RBPMS: variants seen among roughly 807,000 people sequenced by gnomAD.
The protein encoded by RBPMS is RNA-binding protein with multiple splicing.
RBPMS carries 7 observed loss-of-function variants against 26.8 expected under a neutral mutation model. The ratio of observed to expected loss-of-function variants is 0.26; its 90% CI spans 0.15 to 0.49. The LOEUF (loss-of-function observed/expected upper bound fraction) is 0.49. Among genes scored for constraint, RBPMS ranks in the 20% least tolerant of loss-of-function variants. RBPMS has a pLI of 0.98. For missense variants in RBPMS, 186 were observed against 250.0 expected (o/e 0.74, Z 1.73); for synonymous variants, 96 against 93.3 (o/e 1.03, Z -0.17).
chr8:30,507,574 C>T (rs1209237511), intron 5 of RBPMS, among the ~76,000 whole-genome samples: 1 of 152,086 alleles, frequency 6.6e-6, no homozygotes, highest in African/African-American at 2.4e-5. Flanking sequence ...AGTAGTATAC[C>T]TACCTGCCTA....
chr8:30,556,176 C>G, intron 6 of RBPMS: 4 of 985,406 alleles, frequency 4.1e-6, no homozygotes, highest in Non-Finnish European at 4.8e-6. Flanking sequence ...GTCTGTGTGT[C>G]CGCCACCCGC....
intron 1 of RBPMS, among the ~76,000 whole-genome samples, chr8:30,439,252 T>C (rs1812807498): frequency 6.6e-6 from 1 of 152,248 alleles, no homozygotes; most frequent in Non-Finnish European, 1.5e-5. Context: ...TCCGTACATT[T>C]CATAGTATCA....
intron 4 of RBPMS, among the ~76,000 whole-genome samples, chr8:30,483,929 T>C (rs114252625): frequency 0.011 from 1,644 of 152,336 alleles, 35 homozygotes; most frequent in African/African-American, 0.036. Flanking sequence ...AGAATCAAAT[T>C]CCTTTTTATA....
chr8:30,421,731 T>G (rs1192064646), intron 1 of RBPMS, among the ~76,000 whole-genome samples: 1 of 151,874 alleles, frequency 6.6e-6, no homozygotes. Context: ...CTGAGGCAGG[T>G]GGATCACAAG....
chr8:30,523,424 T>TA (rs1436093630), intron 5 of RBPMS, among the ~76,000 whole-genome samples: 2 of 151,870 alleles, frequency 1.3e-5, no homozygotes, highest in Admixed American at 1.3e-4. Flanking sequence ...TGTTTTGTTT[T>TA]ACCTCACTGA....
intron 4 of RBPMS, among the ~76,000 whole-genome samples, chr8:30,499,838 T>A (rs1820362959): frequency 6.6e-6 from 1 of 151,542 alleles, no homozygotes; most frequent in East Asian, 1.9e-4. Context: ...AATAGCATGC[T>A]TGCTACTTAC....
intron 1 of RBPMS, among the ~76,000 whole-genome samples, chr8:30,442,124 G>T (rs1354827101): frequency 1.3e-5 from 2 of 151,998 alleles, no homozygotes; most frequent in Non-Finnish European, 2.9e-5. Context: ...GTATAGTCTT[G>T]CTATGTTGTC....
At chr8:30,491,772 A>G (rs945054533) in intron 4 of RBPMS, among the ~76,000 whole-genome samples, 24 of 152,208 alleles carry the variant, frequency 1.6e-4, no homozygotes, top group Non-Finnish European at 2.9e-4. Context: ...ATAGGTCCTC[A>G]AATGACCTAA....
intron 1 of RBPMS, among the ~76,000 whole-genome samples, chr8:30,439,639 G>C (rs944542170): frequency 6.6e-6 from 1 of 151,600 alleles, no homozygotes; most frequent in Admixed American, 6.6e-5. Flanking sequence ...CCCGTTTTTT[G>C]ACTTTTTTTT....
chr8:30,544,468 ACT>A, intron 5 of RBPMS, 24 bp from the exon 6 acceptor site: 1 of 1,609,758 alleles, frequency 6.2e-7, no homozygotes, highest in Non-Finnish European at 8.5e-7. Flanking sequence ...GTAACCACTA[ACT>A]CTCGCCTTAT....
intron 5 of RBPMS, among the ~76,000 whole-genome samples, chr8:30,528,376 G>A (rs1249049805): frequency 1.3e-5 from 2 of 152,064 alleles, no homozygotes; most frequent in Non-Finnish European, 2.9e-5. Context: ...AGAAAGAGGG[G>A]TGGGTGGACA....
At position 30,477,004 on chromosome 8, in the gene RBPMS, A is replaced by G. The variant is rs145710047; in HGVS notation, c.145-795A>G. Among the ~76,000 whole-genome samples, 70 of 152,292 alleles carry G rather than the reference A, an allele frequency of 4.6e-4. 1 individual carries two copies. The East Asian group carries it at 0.013, about 28-fold the overall frequency. On this transcript the variant is annotated intron_variant, in intron 2 of 8. Coordinates refer to ENST00000397323, the MANE Select transcript of RBPMS (RefSeq NM_001008710.3). ...AAGTAACTCAACAAAATTCAACATC[A>G]TTGCCTGCTTAACCATTTCTGGCAG...
chr8:30,438,779 T>A (rs1008975510), intron 1 of RBPMS, among the ~76,000 whole-genome samples: 7 of 150,216 alleles, frequency 4.7e-5, no homozygotes, highest in East Asian at 3.9e-4. Context: ...ACTTTTTTTT[T>A]ATTTATTTTT....
chr8:30,462,119 T>G (rs1815983632), intron 1 of RBPMS, among the ~76,000 whole-genome samples: 1 of 152,246 alleles, frequency 6.6e-6, no homozygotes, highest in Admixed American at 6.5e-5. Context: ...AGTTTTTATT[T>G]CTTTGGAATA....
At chr8:30,543,076 A>G (rs1462829354) in intron 5 of RBPMS, among the ~76,000 whole-genome samples, 1 of 152,060 alleles carries the variant, frequency 6.6e-6, no homozygotes, top group Non-Finnish European at 1.5e-5. Context: ...TTGAGAGGAG[A>G]AGGGAGTCAG....
At chr8:30,472,025 A>G (rs1001593655) in intron 1 of RBPMS, among the ~76,000 whole-genome samples, 4 of 152,192 alleles carry the variant, frequency 2.6e-5, no homozygotes, top group African/African-American at 7.2e-5. Context: ...AAAAAAGCAT[A>G]TACCTTTCAT....
chr8:30,514,113 A>T (rs1030678195), intron 5 of RBPMS, among the ~76,000 whole-genome samples: 8 of 152,338 alleles, frequency 5.3e-5, no homozygotes, highest in Admixed American at 5.2e-4. Flanking sequence ...CATTAGTAAA[A>T]AGTGTGCAGC....
chr8:30,478,331 CT>C (rs551582647), intron 3 of RBPMS, among the ~76,000 whole-genome samples: 10 of 148,400 alleles, frequency 6.7e-5, no homozygotes, highest in Admixed American at 2.0e-4. Context: ...TAGCTATATA[CT>C]TTTTTTTTTA....
intron 2 of RBPMS, among the ~76,000 whole-genome samples, chr8:30,475,920 T>A (rs1817643892): frequency 6.6e-6 from 1 of 152,078 alleles, no homozygotes; most frequent in African/African-American, 2.4e-5. Context: ...TGGGAGGAAG[T>A]GGGAAAGGAA....
Sources: gnomAD v4.1 joint callset for allele counts (sites outside exome capture counted in the v4.1 genomes callset) on GRCh38, gnomAD v4.1.1 for gene constraint, MANE v1.5 for transcripts, NCBI Gene and HGNC (gene_info 2026-07-23, HGNC 2026-07-21) for gene names.